Variants in CD96 observed in about 807,000 individuals in gnomAD.
CD96 encodes the protein CD96 molecule.
Under a neutral mutation model 71.3 loss-of-function variants are expected in CD96, and 70 were observed. The observed-to-expected ratio is 0.98, with a 90% CI of 0.81 to 1.20. CD96 has a LOEUF of 1.20. Ranked by LOEUF, CD96 falls within the 50% of genes most tolerant of loss-of-function variation. CD96 has a pLI of 0.00. For synonymous variants in CD96, 248 were observed against 233.0 expected (o/e 1.06, Z -0.59); for missense variants, 742 against 677.5 (o/e 1.10, Z -1.06).
chr3:111,572,719 C>G (rs2107563721), intron 3 of CD96, among the ~76,000 whole-genome samples: 2 of 152,302 alleles, frequency 1.3e-5, no homozygotes, highest in Middle Eastern at 3.4e-3. Context: ...CTAAAATTAT[C>G]TAAGTCACTG....
intron 3 of CD96, among the ~76,000 whole-genome samples, chr3:111,571,218 T>C (rs1170614115): frequency 1.9e-5 from 1 of 53,770 alleles, no homozygotes; most frequent in African/African-American, 6.6e-5. Flanking sequence ...TTTTGGTTTT[T>C]GGTTTTTTTT....
chr3:111,553,133 A>G (rs2107490502), intron 2 of CD96, among the ~76,000 whole-genome samples: 1 of 142,176 alleles, frequency 7.0e-6, no homozygotes, highest in East Asian at 2.2e-4. Flanking sequence ...TTAGTATTTA[A>G]TATTATTCAA....
Position 111,598,163 on chromosome 3 carries a change from A to T in CD96, c.851A>T (p.Asn284Ile). ...CTAAAGAATGTATTTCCCAAAGCAA[A>T]TATCACATGGTTTATAGATGGAAGT... ...CLLKNVFPKA[N>I]ITWFIDGSFL... The change falls in exon 6 of 14, where the codon AAT (asparagine) becomes ATT (isoleucine). Residue 284 changes from asparagine (N) to isoleucine (I), a missense_variant. By Grantham distance (149) the Asn-to-Ile change is moderately radical. Coordinates refer to ENST00000352690, the MANE Select transcript of CD96 (RefSeq NM_005816.5). The T allele has an allele frequency of 6.6e-7, 1 of 1,505,016 alleles. No individual in the cohort carries two copies. The highest frequency in any genetic ancestry group is 2.3e-5 in the East Asian group (1 of 44,224). 93.2% of individuals were successfully genotyped at this position (1,505,016 alleles called of 1,614,324 possible).
chr3:111,551,738 C>G (rs1934716431), intron 2 of CD96, among the ~76,000 whole-genome samples: 1 of 152,034 alleles, frequency 6.6e-6, no homozygotes, highest in Non-Finnish European at 1.5e-5. Context: ...TCCGACAGGC[C>G]CCAGTGTGTA....
chr3:111,611,374 G>A (rs1021454216), intron 8 of CD96, among the ~76,000 whole-genome samples: 2 of 152,178 alleles, frequency 1.3e-5, no homozygotes, highest in East Asian at 1.9e-4. Flanking sequence ...AGAAATGGTG[G>A]GGGATCAACC....
chr3:111,638,398 A>G (rs1203864909), intron 12 of CD96, among the ~76,000 whole-genome samples: 1 of 152,218 alleles, frequency 6.6e-6, no homozygotes, highest in Non-Finnish European at 1.5e-5. Flanking sequence ...AGGGTCAAAC[A>G]GGAAGTTCTG....
At chr3:111,553,223 G>A (rs1014506020) in intron 2 of CD96, among the ~76,000 whole-genome samples, 2 of 149,514 alleles carry the variant, frequency 1.3e-5, no homozygotes, top group African/African-American at 2.5e-5. Context: ...GTGATTATTT[G>A]GAAATTCCCT....
At chr3:111,627,627 T>A (rs1462622110) in intron 10 of CD96, among the ~76,000 whole-genome samples, 1 of 152,176 alleles carries the variant, frequency 6.6e-6, no homozygotes, top group African/African-American at 2.4e-5. Flanking sequence ...ATCTCCAACA[T>A]AGCACAGCTG....
chr3:111,605,662 G>A (rs1576379944), intron 7 of CD96, among the ~76,000 whole-genome samples: 1 of 152,128 alleles, frequency 6.6e-6, no homozygotes, highest in Non-Finnish European at 1.5e-5. Flanking sequence ...AGCTATGAGT[G>A]CCACCCACAG....
At position 111,545,207 on chromosome 3, in the gene CD96, T is replaced by A. The variant is rs747790030; in HGVS notation, c.223T>A (p.Tyr75Asn). 3.1e-6 allele frequency: 5 copies of A among 1,614,074 alleles called. No homozygotes were observed. The Admixed American group carries it at 8.3e-5, about 27-fold the overall frequency. ...IDLIAVYHPQ[Y>N]GFYCAYGRPC... ...CCTGATTGCTGTCTATCATCCCCAA[T>A]ACGGCTTCTACTGTGCCTATGGGAG... Residue 75 changes from tyrosine to asparagine, a missense_variant, in exon 2 of 14, where the codon TAC becomes AAC. Physicochemically the swap from Tyr to Asn is moderately radical, Grantham distance 143 (BLOSUM62 -2). Transcript: ENST00000352690.
intron 4 of CD96, among the ~76,000 whole-genome samples, chr3:111,582,666 A>G (rs997703773): frequency 1.3e-5 from 2 of 152,262 alleles, no homozygotes; most frequent in East Asian, 1.9e-4. Flanking sequence ...GGGAGGCCTC[A>G]GAATCATGGC....
chr3:111,549,076 T>C (rs1934561076), intron 2 of CD96, among the ~76,000 whole-genome samples: 2 of 152,276 alleles, frequency 1.3e-5, no homozygotes, highest in East Asian at 1.9e-4. Context: ...GAGGGTATAA[T>C]AGGAAAATCA....
intron 8 of CD96, among the ~76,000 whole-genome samples, chr3:111,612,118 T>C (rs1040994851): frequency 6.6e-6 from 1 of 152,234 alleles, no homozygotes; most frequent in African/African-American, 2.4e-5. Context: ...TGGCTTTTTT[T>C]GTATGTGGGA....
chr3:111,607,736 A>T (rs1268942410), intron 8 of CD96, among the ~76,000 whole-genome samples: 1 of 152,212 alleles, frequency 6.6e-6, no homozygotes, highest in African/African-American at 2.4e-5. Context: ...CTTCTCAGAA[A>T]ATGAAGCAAG....
At chr3:111,556,473 C>A (rs370171126) in intron 2 of CD96, among the ~76,000 whole-genome samples, 5 of 116,388 alleles carry the variant, frequency 4.3e-5, no homozygotes, top group African/African-American at 7.0e-5. Flanking sequence ...TTTGTTCTTG[C>A]GATAGTTTAC....
intron 2 of CD96, among the ~76,000 whole-genome samples, chr3:111,551,759 T>A (rs1020913496): frequency 2.6e-5 from 4 of 152,070 alleles, no homozygotes; most frequent in African/African-American, 9.7e-5. Context: ...TTGTTCCCCC[T>A]CATGGGTCAG....
At chr3:111,619,244 G>A (rs1395310281) in intron 8 of CD96, among the ~76,000 whole-genome samples, 1 of 131,174 alleles carries the variant, frequency 7.6e-6, no homozygotes, top group Admixed American at 8.5e-5. Context: ...AATTTCCAGT[G>A]ATAGCATAAA....
intron 3 of CD96, chr3:111,577,569 A>T: frequency 6.7e-7 from 1 of 1,501,376 alleles, no homozygotes; most frequent in East Asian, 2.3e-5. Context: ...TTGCTGCAGG[A>T]AAAAGAATTC....
At chr3:111,570,652 G>A (rs552719065) in intron 3 of CD96, 1,227 of 1,607,662 alleles carry the variant, frequency 7.6e-4, no homozygotes, top group Non-Finnish European at 1.0e-3. Flanking sequence ...TACATGGCCC[G>A]GGACATGACA....
Sources: allele counts gnomAD v4.1 joint callset (sites outside exome capture counted in the v4.1 genomes callset), GRCh38; gene constraint gnomAD v4.1.1; transcripts MANE v1.5; gene names NCBI Gene and HGNC (gene_info 2026-07-23, HGNC 2026-07-21).